The following SRGAP3 variants were observed in gnomAD, a reference collection of about 807,000 sequenced individuals.
The protein encoded by SRGAP3 is SLIT-ROBO Rho GTPase activating protein 3.
A neutral mutation model predicts 121.1 loss-of-function variants in SRGAP3; 39 were observed. The ratio of observed to expected loss-of-function variants is 0.32; its 90% CI spans 0.25 to 0.42. The LOEUF (loss-of-function observed/expected upper bound fraction) is 0.42. Among genes scored for constraint, SRGAP3 ranks in the 10% least tolerant of loss-of-function variants. The pLI is 1.00. For synonymous variants in SRGAP3, 601 were observed against 570.0 expected (o/e 1.05, Z -0.77); for missense variants, 1,213 against 1,470.6 (o/e 0.82, Z 2.86).
At chr3:9,118,699 C>CG (rs1311052742) in intron 2 of SRGAP3, among the ~76,000 whole-genome samples, 7 of 152,106 alleles carry the variant, frequency 4.6e-5, no homozygotes, top group African/African-American at 1.7e-4. Context: ...AGGCCCCCCC[C>CG]CCAAGAAGTT....
chr3:8,994,253 G>A (rs1942250747), intron 19 of SRGAP3, 90 bp downstream of exon 19: 1 of 1,525,330 alleles, frequency 6.6e-7, no homozygotes, highest in Admixed American at 1.7e-5. Flanking sequence ...GCAAATTGCT[G>A]GCATACAAGC....
At chr3:8,989,617 G>A (rs1205411041) in intron 21 of SRGAP3, among the ~76,000 whole-genome samples, 1 of 152,094 alleles carries the variant, frequency 6.6e-6, no homozygotes, top group Non-Finnish European at 1.5e-5. Context: ...GGTACATAAT[G>A]GGCCCCCACA....
intron 1 of SRGAP3, among the ~76,000 whole-genome samples, chr3:9,164,526 GTGATCTACTCACCT>G (rs1950717095): frequency 6.6e-6 from 1 of 152,030 alleles, no homozygotes; most frequent in African/African-American, 2.4e-5. Context: ...CTGACCTCAA[GTGATCTACTCACCT>G]CAGCCTCCCA....
chr3:9,357,362 G>A (rs1469353274), intron 1 of SRGAP3, among the ~76,000 whole-genome samples: 1 of 151,984 alleles, frequency 6.6e-6, no homozygotes. Context: ...TTTCATGTAG[G>A]TATTTCTCAA....
chr3:8,998,659 G>T (rs1942563288), intron 18 of SRGAP3, among the ~76,000 whole-genome samples: 1 of 152,016 alleles, frequency 6.6e-6, no homozygotes, highest in Admixed American at 6.5e-5. Context: ...CAAAGTGTGG[G>T]TACCATTAGG....
intron 3 of SRGAP3, among the ~76,000 whole-genome samples, chr3:9,286,727 T>G (rs36074693): frequency 6.9e-6 from 1 of 145,966 alleles, no homozygotes; most frequent in South Asian, 2.3e-4. Context: ...CTCAGCCTCC[T>G]GAGTAGCTGG....
intron 1 of SRGAP3, among the ~76,000 whole-genome samples, chr3:9,343,282 T>C (rs939572976): frequency 1.3e-5 from 2 of 152,196 alleles, no homozygotes; most frequent in Non-Finnish European, 2.9e-5. Context: ...AATTTTATTA[T>C]TGACTTGAAG....
At chr3:9,299,846 G>A (rs953965975) in intron 3 of SRGAP3, among the ~76,000 whole-genome samples, 23 of 152,038 alleles carry the variant, frequency 1.5e-4, no homozygotes, top group South Asian at 2.1e-4. Context: ...CGGAGGTTGC[G>A]GTGAGCCAAC....
chr3:9,215,409 T>C (rs185950616), intron 1 of SRGAP3, among the ~76,000 whole-genome samples: 25 of 152,282 alleles, frequency 1.6e-4, no homozygotes, highest in Middle Eastern at 6.8e-3. Flanking sequence ...GGAGGAAGCT[T>C]GGTATTTGAA....
At chr3:9,244,167 C>T (rs560345788) in intron 1 of SRGAP3, among the ~76,000 whole-genome samples, 30 of 152,156 alleles carry the variant, frequency 2.0e-4, no homozygotes, top group Admixed American at 4.6e-4. Context: ...TTCTGGCTCT[C>T]GAAGTTTTTG....
chr3:9,125,188 G>A (rs1157530278), intron 1 of SRGAP3, among the ~76,000 whole-genome samples: 1 of 152,036 alleles, frequency 6.6e-6, no homozygotes, highest in East Asian at 1.9e-4. Flanking sequence ...ATATTCACAG[G>A]CCCCAAGCAT....
chr3:9,263,762 G>A (rs958996108), intron 3 of SRGAP3, among the ~76,000 whole-genome samples: 2 of 152,114 alleles, frequency 1.3e-5, no homozygotes, highest in Non-Finnish European at 2.9e-5. Context: ...CAGGACCAGA[G>A]AGATTCACAG....
intron 4 of SRGAP3, among the ~76,000 whole-genome samples, chr3:9,072,114 C>A (rs1335935894): frequency 6.6e-6 from 1 of 152,154 alleles, no homozygotes; most frequent in Non-Finnish European, 1.5e-5. Context: ...CCATATCAGT[C>A]CTGATCCCAA....
chr3:9,171,194 C>G (rs1418710874), intron 1 of SRGAP3, among the ~76,000 whole-genome samples: 1 of 152,238 alleles, frequency 6.6e-6, no homozygotes, highest in East Asian at 1.9e-4. Flanking sequence ...CTCTCCCTCA[C>G]TACTGGAAAA....
intron 3 of SRGAP3, among the ~76,000 whole-genome samples, chr3:9,271,368 G>T (rs1559253452): frequency 6.6e-6 from 1 of 152,276 alleles, no homozygotes; most frequent in East Asian, 1.9e-4. Flanking sequence ...GGCTATTGAG[G>T]TCTCATGGCT....
intron 1 of SRGAP3, among the ~76,000 whole-genome samples, chr3:9,240,989 C>A (rs186694930): frequency 1.3e-5 from 2 of 152,100 alleles, no homozygotes; most frequent in Non-Finnish European, 2.9e-5. Context: ...TAAGACCCAC[C>A]CCACACTTCC....
At chr3:9,329,919 T>C (rs558293688) in intron 2 of SRGAP3, among the ~76,000 whole-genome samples, 1 of 152,296 alleles carries the variant, frequency 6.6e-6, no homozygotes, top group South Asian at 2.1e-4. Flanking sequence ...AACCCGTTCT[T>C]AGCCAAAAGG....
At chr3:9,156,456 G>C (rs1401083737) in intron 1 of SRGAP3, among the ~76,000 whole-genome samples, 1 of 152,200 alleles carries the variant, frequency 6.6e-6, no homozygotes, top group Admixed American at 6.5e-5. Flanking sequence ...TGCAGGTCTT[G>C]ACAATGAGCT....
At chr3:9,082,624 G>A (rs865923973) in intron 3 of SRGAP3, among the ~76,000 whole-genome samples, 2 of 152,302 alleles carry the variant, frequency 1.3e-5, no homozygotes, top group Admixed American at 6.5e-5. Flanking sequence ...TTTCTGTATC[G>A]AAAATGGGAG....
Sources: allele counts gnomAD v4.1 joint callset (sites outside exome capture counted in the v4.1 genomes callset), GRCh38; gene constraint gnomAD v4.1.1; transcripts MANE v1.5; gene names NCBI Gene and HGNC (gene_info 2026-07-23, HGNC 2026-07-21).